The following PES1 variants were observed in gnomAD, a reference collection of about 807,000 sequenced individuals.
PES1 encodes pescadillo ribosomal biogenesis factor 1.
In PES1, 31 loss-of-function variants were observed where a neutral mutation model predicts 77.1. The observed-to-expected ratio is 0.40, with a 90% CI of 0.30 to 0.54. The LOEUF is 0.54. PES1 is among the 20% of genes least tolerant of loss of function. PES1 has a pLI of 0.45. For missense variants in PES1, 658 were observed against 771.7 expected, an observed-to-expected ratio of 0.85 and a Z score of 1.75; for synonymous variants, 282 against 303.0, an observed-to-expected ratio of 0.93 and a Z score of 0.72.
At chr22:30,585,471 T>C (rs965075361) in intron 4 of PES1, 7 of 351,430 alleles carry the variant, frequency 2.0e-5, no homozygotes, top group Non-Finnish European at 4.2e-5. Flanking sequence ...AGACTCTTCA[T>C]TTACAACTGG....
Position 30,580,618 on chromosome 22 carries a change from G to A in PES1, c.996C>T (p.Phe332=). 5.6e-6 allele frequency: 9 copies of A among 1,613,824 alleles called. No individual in the cohort carries two copies. Among genetic ancestry groups the A allele is most frequent in the Non-Finnish European group, 7.6e-6 (9 of 1,180,024 alleles). The change falls in exon 10 of 15, where the codon TTC becomes TTT. Residue 332 remains phenylalanine (F), a synonymous_variant. Coordinates refer to ENST00000354694, the MANE Select transcript of PES1 (RefSeq NM_014303.4). Reference sequence around the variant, plus strand: ...CACGGGGCACCTCTCGGTTCAGGAAGAACTTCAGGCCCTCAAAAAGCTTCT... The same window carrying A: ...CACGGGGCACCTCTCGGTTCAGGAAAAACTTCAGGCCCTCAAAAAGCTTCT... ...KHKKLFEGLK[F]FLNREVPREA...
At chr22:30,593,318 C>T (rs2087209786), upstream of PES1, among the ~76,000 whole-genome samples, 1 of 152,208 alleles carries the variant, frequency 6.6e-6, no homozygotes, top group Non-Finnish European at 1.5e-5. Flanking sequence ...GAAAACCCAT[C>T]TCTACCAAAA....
chr22:30,585,937 T>C (rs1389339706), intron 4 of PES1, among the ~76,000 whole-genome samples: 1 of 152,224 alleles, frequency 6.6e-6, no homozygotes, highest in Non-Finnish European at 1.5e-5. Context: ...TCTGGTTTCT[T>C]GGTGCAGAGG....
At chr22:30,577,209 C>CT (rs2086914317) in intron 14 of PES1, 80 bp from the exon 15 acceptor site, 6 of 1,189,304 alleles carry the variant, frequency 5.0e-6, no homozygotes, top group Non-Finnish European at 7.5e-6. Context: ...AGCTATATCC[C>CT]TTAAAAGCAG....
intron 2 of PES1, among the ~76,000 whole-genome samples, chr22:30,597,888 T>G (rs1233406159): frequency 9.1e-5 from 13 of 143,246 alleles, no homozygotes; most frequent in East Asian, 2.0e-4. Flanking sequence ...TTTTGTTTTT[T>G]TTTTTTTTGT....
At chr22:30,587,512 G>A (rs943441369) in intron 3 of PES1, 117 bp from the exon 4 acceptor site, 6 of 730,984 alleles carry the variant, frequency 8.2e-6, no homozygotes, top group African/African-American at 3.5e-5. Flanking sequence ...AGCTGGCCAC[G>A]GCTATGTGCC....
intron 4 of PES1, chr22:30,585,290 G>A: frequency 2.1e-6 from 1 of 471,564 alleles, no homozygotes; most frequent in Non-Finnish European, 4.4e-6. Flanking sequence ...GGAAGAGCCA[G>A]AGCAGAATGT....
rs928386883 is a variant in PES1 at position 30,584,597 on chromosome 22, C to A, written c.489G>T (p.Arg163=). 4.3e-6 allele frequency: 7 copies of A among 1,613,204 alleles called. No homozygotes were observed. The highest frequency in any genetic ancestry group is 5.9e-6 in the Non-Finnish European group (7 of 1,179,638). ...CHVQTIQLCR[R]LTVEFMHYII... ...TGTAGTGCATGAACTCCACAGTGAG[C>A]CGGCGGCACAGCTGAATGGTCTGCA... Residue 163 remains arginine, a synonymous_variant, in exon 5 of 15, where the codon CGG becomes CGT. Coordinates refer to ENST00000354694, the MANE Select transcript of PES1 (RefSeq NM_014303.4).
rs187426436 is a variant in PES1, at chr22:30,602,221, G to A, written c.-661+3240C>T. ...TTTCCCCCATGCTGTTCTCATGATA[G>A]AGAGGGAGTTCTCACAAGAGCTATG... On this transcript the variant is annotated intron_variant, in intron 2 of 16. Coordinates refer to the PES1 transcript ENST00000402281. Among the ~76,000 whole-genome samples the A allele has an allele frequency of 2.1e-3, 324 of 152,204 alleles. 2 individuals are homozygous for A. Among genetic ancestry groups the A allele is most frequent in the Middle Eastern group, 0.01 (3 of 294 alleles).
upstream of PES1, among the ~76,000 whole-genome samples, chr22:30,593,208 C>T (rs898314242): frequency 6.6e-6 from 1 of 152,030 alleles, no homozygotes; most frequent in Admixed American, 6.5e-5. Context: ...GAGATGAAGC[C>T]GGGCACGGTC....
rs148579943 is a variant in PES1, at chr22:30,604,358, C to T, written c.-661+1103G>A. Among the ~76,000 whole-genome samples, 448 of 152,262 alleles carry T rather than the reference C, an allele frequency of 2.9e-3. 1 individual carries two copies. The highest frequency in any genetic ancestry group is 0.01 in the African/African-American group (417 of 41,556). ...ATAGAAATGTTTCCTGTTGGCCAGG[C>T]GCGCTGGCTCATGCCTGTAATCCCA... On this transcript the variant is annotated intron_variant, in intron 2 of 16. Coordinates refer to the PES1 transcript ENST00000402281.
rs1476900296 is a variant in PES1 at position 30,589,395 on chromosome 22, G to A, written c.25-125C>T. 3.9e-5 allele frequency: 31 copies of A among 787,076 alleles called. No homozygotes were observed. The South Asian group carries it at 4.3e-4, about 11-fold the overall frequency. The allele number at this position is 787,076 out of a possible 1,614,324, so 48.8% of individuals were successfully genotyped here. On this transcript the variant is annotated intron_variant, in intron 1 of 14. Transcript: ENST00000354694. ...AAGTGGCTGAGATGAGTCTAGGAGA[G>A]GAAACACTGCAGGGAAGGAGCCGAC...
At position 30,579,252 on chromosome 22, in the gene PES1, C is replaced by A. The variant is rs760401325; in HGVS notation, c.1406G>T (p.Gly469Val). ...EEEEEDDNNE[G>V]DGDEEGENEE... The stretch of plus-strand genomic sequence containing the variant: ...ATTTTCTCCCTCTTCATCACCATCA[C>A]CTTCGTTGTTGTCGTCCTCTTCCTC... Residue 469 changes from glycine (G) to valine (V), a missense_variant, in exon 13 of 15, where the codon GGT (glycine) becomes GTT (valine). Transcript: ENST00000354694. The A allele has an allele frequency of 3.1e-6, 5 of 1,603,212 alleles. No homozygotes were observed. The highest frequency in any genetic ancestry group is 4.2e-6 in the Non-Finnish European group (5 of 1,179,218).
chr22:30,584,648 G>A lies in PES1; in HGVS notation c.438C>T (p.Thr146=), dbSNP rs1365148670. 1.9e-6 allele frequency: 3 copies of A among 1,613,986 alleles called. No homozygotes were observed. Among genetic ancestry groups the A allele is most frequent in the South Asian group, 1.1e-5 (1 of 91,088 alleles). Reference sequence around the variant, plus strand: ...CGTGGCACTTGCCAGTCCGCGGGAAGGTGGAAAACAGGAAGCACATGGAGA... The same window carrying A: ...CGTGGCACTTGCCAGTCCGCGGGAAAGTGGAAAACAGGAAGCACATGGAGA... The part of the protein sequence containing the change: ...DALSMCFLFS[T]FPRTGKCHVQ... The change falls in exon 5 of 15, where the codon ACC becomes ACT. Residue 146 remains threonine (T), a synonymous_variant. Coordinates refer to ENST00000354694, the MANE Select transcript of PES1 (RefSeq NM_014303.4).
chr22:30,597,177 C>T (rs2087266927), intron 2 of PES1, among the ~76,000 whole-genome samples: 1 of 152,088 alleles, frequency 6.6e-6, no homozygotes, highest in Admixed American at 6.6e-5. Flanking sequence ...ACAGCCTAAG[C>T]CTCCCCAACG....
chr22:30,584,604 C>T lies in PES1; in HGVS notation c.482G>A (p.Cys161Tyr). ...CATGAACTCCACAGTGAGCCGGCGGCACAGCTGAATGGTCTGCACGTGGCA... is the reference window on the plus strand; with the variant it reads ...CATGAACTCCACAGTGAGCCGGCGGTACAGCTGAATGGTCTGCACGTGGCA... ...GKCHVQTIQL[C>Y]RRLTVEFMHY... The change falls in exon 5 of 15, where the codon TGC (cysteine) becomes TAC (tyrosine). Residue 161 changes from cysteine (C) to tyrosine (Y), a missense_variant. By Grantham distance (194) the Cys-to-Tyr change is radical. Coordinates refer to ENST00000354694, the MANE Select transcript of PES1 (RefSeq NM_014303.4). 1.9e-6 allele frequency: 3 copies of T among 1,613,568 alleles called. No individual in the cohort carries two copies. Among genetic ancestry groups the T allele is most frequent in the Non-Finnish European group, 2.5e-6 (3 of 1,179,790 alleles).
Position 30,580,564 on chromosome 22 carries a change from T to A in PES1, c.1043+7A>T. On this transcript the variant is annotated splice_region_variant and intron_variant, in intron 10 of 14. Coordinates refer to ENST00000354694, the MANE Select transcript of PES1 (RefSeq NM_014303.4). ...AATGCTGTCAGCGGGCCCTTGAGCC[T>A]CCCTACCTGATGATGAAGGCCAGGG... 6.2e-7 allele frequency: 1 copy of A among 1,613,606 alleles called. No individual in the cohort carries two copies. The highest frequency in any genetic ancestry group is 8.5e-7 in the Non-Finnish European group (1 of 1,179,960).
chr22:30,606,980 G>T (rs1241368961), exon 1 of PES1: 1 of 755,756 alleles, frequency 1.3e-6, no homozygotes, highest in Non-Finnish European at 1.8e-6. Context: ...GACAGATCAG[G>T]CATCAGGCCC....
chr22:30,589,376 C>T lies in PES1; in HGVS notation c.25-106G>A, dbSNP rs966288366. 32 of 922,286 alleles carry T rather than the reference C, an allele frequency of 3.5e-5. 5 individuals carry two copies. In the Admixed American group the frequency reaches 4.2e-4, roughly 12 times the overall value. The allele number at this position is 922,286 out of a possible 1,614,324, so 57.1% of individuals were successfully genotyped here. ...GGCAACTATCACTCTGGATAAGTGG[C>T]TGAGATGAGTCTAGGAGAGGAAACA... is the stretch of plus-strand genomic sequence containing the variant. On this transcript the variant is annotated intron_variant, in intron 1 of 14. Coordinates refer to ENST00000354694, the MANE Select transcript of PES1 (RefSeq NM_014303.4).
Sources: allele counts gnomAD v4.1 joint callset (sites outside exome capture counted in the v4.1 genomes callset), GRCh38; gene constraint gnomAD v4.1.1; transcripts MANE v1.5; gene names NCBI Gene and HGNC (gene_info 2026-07-23, HGNC 2026-07-21).